The following CACNA2D1 variants were observed in gnomAD, a reference collection of about 807,000 sequenced individuals.
The protein encoded by CACNA2D1 is voltage-dependent calcium channel subunit alpha-2/delta-1.
A neutral mutation model predicts 171.5 loss-of-function variants in CACNA2D1; 53 were observed. The ratio of observed to expected loss-of-function variants is 0.31; its 90% CI spans 0.25 to 0.39. The LOEUF is 0.39. Among genes scored for constraint, CACNA2D1 ranks in the 10% least tolerant of loss-of-function variants. The pLI is 1.00. For synonymous variants in CACNA2D1, 442 were observed against 443.1 expected (o/e 1.00, Z 0.03); for missense variants, 903 against 1,299.8 (o/e 0.69, Z 4.69).
intron 3 of CACNA2D1, among the ~76,000 whole-genome samples, chr7:82,308,074 T>TTG (rs1813954813): frequency 6.6e-6 from 1 of 152,188 alleles, no homozygotes; most frequent in Admixed American, 6.5e-5. Context: ...TGACTTCCTT[T>TTG]CTTATTGGCA....
intron 6 of CACNA2D1, among the ~76,000 whole-genome samples, chr7:82,091,896 G>A (rs1409961787): frequency 6.6e-6 from 1 of 152,144 alleles, no homozygotes; most frequent in Non-Finnish European, 1.5e-5. Flanking sequence ...CTAAAAAAAT[G>A]AATATAGCTA....
rs1824181173 is a variant in CACNA2D1 at position 82,385,096 on chromosome 7, A to G, written c.96-35447T>C. On this transcript the variant is annotated intron_variant, in intron 1 of 38. Transcript: ENST00000356860. ...ATGAAACTTCACCACTGCACAAGAC[A>G]ATGAACCTAAACTCCAGCCTTCCCT... Among the ~76,000 whole-genome samples the G allele has an allele frequency of 5.3e-5, 8 of 152,238 alleles. No homozygotes were observed. The South Asian group carries it at 1.7e-3, about 32-fold the overall frequency.
chr7:82,350,524 G>C (rs1481513333), intron 1 of CACNA2D1, among the ~76,000 whole-genome samples: 2 of 152,212 alleles, frequency 1.3e-5, no homozygotes, highest in East Asian at 3.9e-4. Context: ...AACTAGCCAG[G>C]CTTGGTGGCG....
At chr7:82,211,275 C>T (rs1490247036) in intron 3 of CACNA2D1, among the ~76,000 whole-genome samples, 1 of 151,914 alleles carries the variant, frequency 6.6e-6, no homozygotes, top group East Asian at 1.9e-4. Context: ...TTACATGTTG[C>T]GGGGGTTTGG....
intron 3 of CACNA2D1, among the ~76,000 whole-genome samples, chr7:82,316,826 C>T (rs1236660333): frequency 1.3e-5 from 2 of 152,118 alleles, no homozygotes; most frequent in African/African-American, 4.8e-5. Context: ...TTTATAAAAC[C>T]ATCAGATCTT....
rs568286279 is a variant in CACNA2D1, at chr7:82,240,495, A to G, written c.295-69886T>C. Among the ~76,000 whole-genome samples, 230 of 152,306 alleles carry G rather than the reference A, an allele frequency of 1.5e-3. 4 individuals are homozygous for G. Among genetic ancestry groups the G allele is most frequent in the African/African-American group, 5.3e-3 (221 of 41,562 alleles). On this transcript the variant is annotated intron_variant, in intron 3 of 38. Transcript: ENST00000356860. ...TCATAAGGACATGAATCATACATTG[A>G]GTTTTAAAATCTCAAAGTTTAGAGG... is the stretch of plus-strand genomic sequence containing the variant.
chr7:82,274,556 C>T (rs1047825127), intron 3 of CACNA2D1, among the ~76,000 whole-genome samples: 2 of 152,160 alleles, frequency 1.3e-5, no homozygotes, highest in Non-Finnish European at 2.9e-5. Flanking sequence ...AGACACCGCA[C>T]ACTCTAATTT....
At chr7:82,151,295 C>A (rs781600978) in intron 4 of CACNA2D1, among the ~76,000 whole-genome samples, 6 of 152,068 alleles carry the variant, frequency 3.9e-5, no homozygotes, top group Admixed American at 1.3e-4. Flanking sequence ...TAAATGCAAT[C>A]TTTTCTTTTC....
intron 4 of CACNA2D1, among the ~76,000 whole-genome samples, chr7:82,148,732 G>C (rs1363785944): frequency 6.6e-6 from 1 of 152,142 alleles, no homozygotes; most frequent in Non-Finnish European, 1.5e-5. Context: ...CCGCCTCCCA[G>C]GTTCAAGTGA....
At position 82,344,104 on chromosome 7, in the gene CACNA2D1, G is replaced by T. The variant is rs563106946; in HGVS notation, c.177+5464C>A. 1.1e-4 allele frequency among the ~76,000 whole-genome samples: 16 copies of T among 152,314 alleles called. No individual in the cohort carries two copies. The South Asian group carries it at 3.3e-3, about 32-fold the overall frequency. ...ATTGACATTTTACAGATAATTCTCT[G>T]TTGTGAAGGGATGTCTCATGCATTG... is the stretch of plus-strand genomic sequence containing the variant. On this transcript the variant is annotated intron_variant, in intron 2 of 38. Coordinates refer to ENST00000356860, the MANE Select transcript of CACNA2D1 (RefSeq NM_000722.4).
intron 3 of CACNA2D1, among the ~76,000 whole-genome samples, chr7:82,179,403 C>G (rs1796889212): frequency 6.6e-6 from 1 of 151,998 alleles, no homozygotes; most frequent in Non-Finnish European, 1.5e-5. Context: ...TCTAAAATCC[C>G]ACAAAATTAA....
chr7:82,053,677 T>A (rs555527292), intron 10 of CACNA2D1, among the ~76,000 whole-genome samples: 1 of 152,192 alleles, frequency 6.6e-6, no homozygotes, highest in South Asian at 2.1e-4. Context: ...TATGACCTCA[T>A]CTTTCAAATG....
intron 3 of CACNA2D1, among the ~76,000 whole-genome samples, chr7:82,290,868 T>C (rs1484148470): frequency 6.6e-6 from 1 of 151,944 alleles, no homozygotes; most frequent in Non-Finnish European, 1.5e-5. Flanking sequence ...AGTGCTGGGA[T>C]TTCAGACGTG....
intron 3 of CACNA2D1, among the ~76,000 whole-genome samples, chr7:82,267,626 A>C (rs889387972): frequency 2.0e-5 from 3 of 152,162 alleles, no homozygotes; most frequent in African/African-American, 7.2e-5. Context: ...GTCACCTCAT[A>C]CTTTTCCTCA....
At chr7:82,091,748 A>G (rs530783338) in intron 6 of CACNA2D1, among the ~76,000 whole-genome samples, 61 of 152,312 alleles carry the variant, frequency 4.0e-4, no homozygotes, top group African/African-American at 1.5e-3. Context: ...TCCTTTAAGC[A>G]TTCTAAGCTT....
chr7:82,205,269 T>C (rs544471159), intron 3 of CACNA2D1, among the ~76,000 whole-genome samples: 1 of 152,350 alleles, frequency 6.6e-6, no homozygotes, highest in African/African-American at 2.4e-5. Context: ...GATTTATATA[T>C]GTAACACATA....
intron 3 of CACNA2D1, among the ~76,000 whole-genome samples, chr7:82,315,042 A>T (rs1814944429): frequency 6.8e-6 from 1 of 145,988 alleles, no homozygotes; most frequent in Non-Finnish European, 1.5e-5. Flanking sequence ...AGGCTGAGGC[A>T]GGAGAATTGC....
At chr7:82,383,326 G>A (rs372705166) in intron 1 of CACNA2D1, among the ~76,000 whole-genome samples, 4 of 152,204 alleles carry the variant, frequency 2.6e-5, no homozygotes, top group Admixed American at 6.5e-5. Context: ...GACTGCCAGC[G>A]GTACCACTGC....
At chr7:82,284,133 C>G (rs1188153341) in intron 3 of CACNA2D1, among the ~76,000 whole-genome samples, 2 of 149,728 alleles carry the variant, frequency 1.3e-5, no homozygotes, top group Admixed American at 1.3e-4. Flanking sequence ...GGTGGAGGCT[C>G]TACTGTGCTA....
Sources: gnomAD v4.1 joint callset for allele counts (sites outside exome capture counted in the v4.1 genomes callset) on GRCh38, gnomAD v4.1.1 for gene constraint, MANE v1.5 for transcripts, NCBI Gene and HGNC (gene_info 2026-07-23, HGNC 2026-07-21) for gene names.